Variants in SECISBP2 observed in about 807,000 individuals in gnomAD.
The protein encoded by SECISBP2 is SECIS binding protein 2, also known as selenocysteine insertion sequence-binding protein 2.
A neutral mutation model predicts 98.2 loss-of-function variants in SECISBP2; 96 were observed. The observed-to-expected ratio is 0.98, with a 90% CI of 0.83 to 1.16. The LOEUF (loss-of-function observed/expected upper bound fraction) is 1.16. SECISBP2 is among the 50% of genes most tolerant of loss of function. SECISBP2 has a pLI of 0.00. For missense variants in SECISBP2, 1,046 were observed against 1,022.9 expected (o/e 1.02, Z -0.31); for synonymous variants, 407 against 370.2 (o/e 1.10, Z -1.14).
chr9:89,364,148 G>C, downstream of SECISBP2: 1 of 1,104,996 alleles, frequency 9.0e-7, no homozygotes, highest in Non-Finnish European at 1.3e-6. Flanking sequence ...GGCCCGTCCT[G>C]TGGACTTCCT....
At chr9:89,355,150 A>G in intron 14 of SECISBP2, 7 of 985,440 alleles carry the variant, frequency 7.1e-6, no homozygotes, top group Non-Finnish European at 8.4e-6. Context: ...GTATGGTAGG[A>G]CGTGCATTGG....
intron 8 of SECISBP2, among the ~76,000 whole-genome samples, chr9:89,338,886 G>GTTTTT (rs577395060): frequency 1.4e-5 from 2 of 140,748 alleles, no homozygotes; most frequent in Non-Finnish European, 3.1e-5. Flanking sequence ...TTCTTTACCT[G>GTTTTT]TTTTTTTTTT....
chr9:89,365,058 C>A, the SECISBP2 span: 5 of 152,332 alleles, frequency 3.3e-5, no homozygotes, highest in African/African-American at 1.2e-4. Context: ...TTGGGACAGG[C>A]TCAACTCCCT....
chr9:89,349,864 A>G lies in SECISBP2; in HGVS notation c.1827A>G (p.Thr609=), dbSNP rs1235416864. 9 of 1,614,216 alleles carry G rather than the reference A, an allele frequency of 5.6e-6. No homozygotes were observed. Among genetic ancestry groups the G allele is most frequent in the Non-Finnish European group, 6.8e-6 (8 of 1,180,008 alleles). The change falls in exon 13 of 17, where the codon ACA becomes ACG. Residue 609 remains threonine (T), a synonymous_variant. Coordinates refer to ENST00000375807, the MANE Select transcript of SECISBP2 (RefSeq NM_024077.5). ...EPPGTELQRD[T]EASHLAPNHT... ...CAGGCACAGAGCTCCAGAGGGACAC[A>G]GAGGCCTCCCACCTTGCTCCCAATC... is the stretch of plus-strand genomic sequence containing the variant.
downstream of SECISBP2, chr9:89,363,392 T>C: frequency 6.2e-7 from 1 of 1,603,886 alleles, no homozygotes; most frequent in South Asian, 1.1e-5. Flanking sequence ...TGCCCCTGGC[T>C]CCAGCCCTCC....
At chr9:89,356,172 C>A (rs1048368690) in intron 14 of SECISBP2, among the ~76,000 whole-genome samples, 1 of 152,120 alleles carries the variant, frequency 6.6e-6, no homozygotes, top group African/African-American at 2.4e-5. Context: ...GCGTTGGATT[C>A]GCATAGGAGC....
chr9:89,325,612 A>T lies in SECISBP2; in HGVS notation c.368A>T (p.Gln123Leu). The T allele has an allele frequency of 6.2e-7, 1 of 1,614,176 alleles. No individual in the cohort carries two copies. The highest frequency in any genetic ancestry group is 8.5e-7 in the Non-Finnish European group (1 of 1,180,034). Residue 123 changes from glutamine (Q) to leucine (L), a missense_variant, in exon 3 of 17, where the codon CAA becomes CTA. Transcript: ENST00000375807. ...CAACCCAGTTGTTACCGAGGTTTTC[A>T]AACAGTGAAGCATCGAAATGAGAAC... Reference protein sequence around the residue: ...YNQPSCYRGFQTVKHRNENTC... With the variant: ...YNQPSCYRGFLTVKHRNENTC...
intron 14 of SECISBP2, chr9:89,354,807 TG>T: frequency 7.1e-6 from 7 of 985,332 alleles, no homozygotes; most frequent in South Asian, 4.7e-5. Flanking sequence ...GGAGCTGGGG[TG>T]GACACCAGGC....
intron 10 of SECISBP2, among the ~76,000 whole-genome samples, chr9:89,345,186 T>TTA (rs957461762): frequency 1.3e-5 from 2 of 152,246 alleles, no homozygotes; most frequent in African/African-American, 4.8e-5. Context: ...GGACTCTGTG[T>TTA]AAGTCCCCAC....
downstream of SECISBP2, chr9:89,362,144 C>T (rs1588041377): frequency 1.7e-6 from 1 of 589,856 alleles, no homozygotes; most frequent in East Asian, 2.8e-5. Flanking sequence ...CCTGCTTGTG[C>T]CAGACAGAAC....
downstream of SECISBP2, chr9:89,363,787 T>C (rs908705388): frequency 2.5e-6 from 4 of 1,613,828 alleles, no homozygotes; most frequent in African/African-American, 1.3e-5. Context: ...TGTTCCCTGC[T>C]GAGGAGAGGA....
chr9:89,358,120 CCA>C lies in SECISBP2; in HGVS notation c.2395_2396del (p.Gln799GlyfsTer23). ...AGGCCTCAGGCACCTCCCAGCCTAC[CCA>C]CACAGGGCCCCAGCTGCCCTGCAGA... On this transcript the variant is annotated frameshift_variant, in exon 16 of 17. Coordinates refer to ENST00000375807, the MANE Select transcript of SECISBP2 (RefSeq NM_024077.5). LOFTEE classifies it high-confidence loss of function. 2 of 1,613,828 alleles carry C rather than the reference CCA, an allele frequency of 1.2e-6. No homozygotes were observed. The highest frequency in any genetic ancestry group is 1.7e-6 in the Non-Finnish European group (2 of 1,179,964).
At position 89,325,673 on chromosome 9, in the gene SECISBP2, T is replaced by C; in HGVS notation, c.429T>C (p.Phe143=). Residue 143 remains phenylalanine, a synonymous_variant, in exon 3 of 17, where the codon TTT becomes TTC. Coordinates refer to ENST00000375807, the MANE Select transcript of SECISBP2 (RefSeq NM_024077.5). ...CPLPQEMKAL[F]KKKTYDEKKT... ...TCCCACAAGAAATGAAAGCTCTGTT[T>C]AAGGTGAGTAGTGATGTTGTTTTGT... 6.2e-7 allele frequency: 1 copy of C among 1,614,216 alleles called. No homozygotes were observed. Among genetic ancestry groups the C allele is most frequent in the Non-Finnish European group, 8.5e-7 (1 of 1,180,028 alleles).
chr9:89,321,778 A>T (rs540980553), intron 2 of SECISBP2, among the ~76,000 whole-genome samples: 1 of 152,366 alleles, frequency 6.6e-6, no homozygotes, highest in Admixed American at 6.5e-5. Flanking sequence ...TAAGTTGAAG[A>T]GGAAGAGTTA....
At chr9:89,330,246 T>G (rs990789824) in intron 5 of SECISBP2, 5 of 152,232 alleles carry the variant, frequency 3.3e-5, no homozygotes, top group African/African-American at 1.2e-4. Flanking sequence ...TTACAGCAGG[T>G]TAATTCACTT....
At position 89,328,747 on chromosome 9, in the gene SECISBP2, T is replaced by A; in HGVS notation, c.662T>A (p.Leu221Gln). ...TSKPEFEFTT[L>Q]DFPELQGAEN... ...AAACCTGAGTTTGAATTTACCACAC[T>A]GGACTTTCCTGAACTGCAAGGTGCA... The change falls in exon 5 of 17, where the codon CTG (leucine) becomes CAG (glutamine). Residue 221 changes from leucine (L) to glutamine (Q), a missense_variant. By Grantham distance (113) the Leu-to-Gln change is moderately radical (BLOSUM62 -2). Transcript: ENST00000375807. 1.2e-6 allele frequency: 2 copies of A among 1,614,232 alleles called. No homozygotes were observed. Among genetic ancestry groups the A allele is most frequent in the Non-Finnish European group, 1.7e-6 (2 of 1,180,026 alleles).
rs1277775963 is a variant in SECISBP2 at position 89,359,186 on chromosome 9, A to C, written c.*362A>C. ...TGAGCCAAGTGAGTGAGTTTGCAGA[A>C]AGCAGGTGGTGAGCTCCTGCCTGCT... is the stretch of plus-strand genomic sequence containing the variant. On this transcript the variant is annotated 3_prime_UTR_variant, in exon 17 of 17. Coordinates refer to ENST00000375807, the MANE Select transcript of SECISBP2 (RefSeq NM_024077.5). The C allele has an allele frequency of 3.0e-6, 1 of 335,678 alleles. No individual in the cohort carries two copies. Among genetic ancestry groups the C allele is most frequent in the East Asian group, 8.1e-5 (1 of 12,400 alleles). The allele number at this position is 335,678 out of a possible 1,614,324, so 20.8% of individuals were successfully genotyped here.
At chr9:89,365,093 AC>A in the SECISBP2 span, 2 of 152,238 alleles carry the variant, frequency 1.3e-5, no homozygotes, top group African/African-American at 4.8e-5. Flanking sequence ...AAAAACAAGC[AC>A]ATCCATTTTG....
chr9:89,338,480 A>G lies in SECISBP2; in HGVS notation c.1112A>G (p.Asp371Gly). 1.2e-6 allele frequency: 2 copies of G among 1,613,724 alleles called. No individual in the cohort carries two copies. Among genetic ancestry groups the G allele is most frequent in the South Asian group, 1.1e-5 (1 of 90,974 alleles). ...TAGTCTAAAGCATCACAAGGTAGTG[A>G]CCTTGAACAAAATGAAGCCTCAAGA... The part of the protein sequence containing the change: ...TQKSKASQGS[D>G]LEQNEASRKN... The change falls in exon 8 of 17, where the codon GAC becomes GGC. Residue 371 changes from aspartate to glycine, a missense_variant. Physicochemically the swap from Asp to Gly is moderately conservative, Grantham distance 94. Coordinates refer to ENST00000375807, the MANE Select transcript of SECISBP2 (RefSeq NM_024077.5).
Sources: allele counts gnomAD v4.1 joint callset (sites outside exome capture counted in the v4.1 genomes callset), GRCh38; gene constraint gnomAD v4.1.1; transcripts MANE v1.5; gene names NCBI Gene and HGNC (gene_info 2026-07-23, HGNC 2026-07-21).